KHDRBS2: variants seen among roughly 807,000 people sequenced by gnomAD.
KHDRBS2 encodes KH domain-containing, RNA-binding, signal transduction-associated protein 2.
KHDRBS2 carries 26 observed loss-of-function variants against 44.3 expected under a neutral mutation model. The observed-to-expected ratio is 0.59, with a 90% CI of 0.43 to 0.81. The LOEUF (loss-of-function observed/expected upper bound fraction) is 0.81. KHDRBS2 is among the 40% of genes least tolerant of loss of function. The pLI is 0.00. For missense variants in KHDRBS2, 476 were observed against 433.1 expected (o/e 1.10, Z -0.88); for synonymous variants, 194 against 151.1 (o/e 1.28, Z -2.08).
In KHDRBS2 at chr6:61,855,388, A is replaced by G. The variant is rs1200672980; in HGVS notation, c.810+39247T>C. Among the ~76,000 whole-genome samples, 4 of 151,868 alleles carry G rather than the reference A, an allele frequency of 2.6e-5. No individual in the cohort carries two copies. In the East Asian group the frequency reaches 7.7e-4, roughly 29 times the overall value. On this transcript the variant is annotated intron_variant, in intron 6 of 8. Coordinates refer to ENST00000281156, the MANE Select transcript of KHDRBS2 (RefSeq NM_152688.4). ...CTAGTTGTTTTACTTCTGGTAATTT[A>G]CTTATGTGCCTTAGCTTTTCCATCT...
At chr6:61,599,056 C>T in the KHDRBS2 span, among the ~76,000 whole-genome samples, 1 of 151,958 alleles carries the variant, frequency 6.6e-6, no homozygotes, top group East Asian at 1.9e-4. Context: ...GTCTCAGCCT[C>T]CTGAGTAGCT....
At chr6:62,194,279 G>T (rs1585143282) in intron 1 of KHDRBS2, among the ~76,000 whole-genome samples, 2 of 150,570 alleles carry the variant, frequency 1.3e-5, no homozygotes, top group African/African-American at 4.9e-5. Flanking sequence ...CATTTTTTTT[G>T]CATTTGGATA....
intron 3 of KHDRBS2, among the ~76,000 whole-genome samples, chr6:62,019,802 T>C (rs1341212345): frequency 6.6e-6 from 1 of 152,062 alleles, no homozygotes; most frequent in Non-Finnish European, 1.5e-5. Context: ...TTCTTGATAT[T>C]GAGAATTTAT....
At chr6:62,037,822 C>T (rs747240446) in intron 3 of KHDRBS2, among the ~76,000 whole-genome samples, 4 of 151,922 alleles carry the variant, frequency 2.6e-5, no homozygotes, top group Non-Finnish European at 5.9e-5. Flanking sequence ...TCTCAAAACT[C>T]TGACCTCAAA....
the KHDRBS2 span, among the ~76,000 whole-genome samples, chr6:61,663,526 T>TATATATATATGC: frequency 8.6e-6 from 1 of 116,898 alleles, no homozygotes; most frequent in Non-Finnish European, 1.8e-5. Context: ...TATATATATA[T>TATATATATATGC]GCAGCTGGGA....
chr6:62,026,897 T>C, intron 3 of KHDRBS2, among the ~76,000 whole-genome samples: 1 of 152,156 alleles, frequency 6.6e-6, no homozygotes, highest in East Asian at 1.9e-4. Flanking sequence ...TTAGTGTGTC[T>C]AATACTTTTT....
chr6:61,981,856 G>A (rs1416116138), intron 3 of KHDRBS2, among the ~76,000 whole-genome samples: 1 of 152,104 alleles, frequency 6.6e-6, no homozygotes, highest in African/African-American at 2.4e-5. Context: ...ATTTGTATGG[G>A]TAGATTTTAT....
At chr6:61,832,220 C>G (rs549859014) in intron 6 of KHDRBS2, among the ~76,000 whole-genome samples, 35 of 152,172 alleles carry the variant, frequency 2.3e-4, no homozygotes, top group Admixed American at 2.0e-3. Context: ...GGCAATAGAG[C>G]AAGACACTAC....
intron 6 of KHDRBS2, among the ~76,000 whole-genome samples, chr6:61,870,526 T>G (rs1256553312): frequency 6.6e-6 from 1 of 151,916 alleles, no homozygotes; most frequent in African/African-American, 2.4e-5. Flanking sequence ...CCTCCCAGCA[T>G]AGTGTCAGAC....
At chr6:61,982,870 C>G (rs1343552382) in intron 3 of KHDRBS2, among the ~76,000 whole-genome samples, 4 of 151,982 alleles carry the variant, frequency 2.6e-5, no homozygotes, top group Middle Eastern at 3.2e-3. Context: ...CTTTAATGTC[C>G]TGTTTTCTGA....
intron 2 of KHDRBS2, among the ~76,000 whole-genome samples, chr6:62,167,769 T>C (rs1403326956): frequency 2.0e-5 from 3 of 152,138 alleles, no homozygotes; most frequent in African/African-American, 7.2e-5. Flanking sequence ...CAGAGTGGCT[T>C]CTGAAAAACC....
chr6:61,988,943 A>G (rs1306053845), intron 3 of KHDRBS2, among the ~76,000 whole-genome samples: 2 of 152,220 alleles, frequency 1.3e-5, no homozygotes, highest in Non-Finnish European at 2.9e-5. Flanking sequence ...TGGAAAAAAG[A>G]TGAACGCTTG....
chr6:62,150,520 T>C (rs1814930434), intron 2 of KHDRBS2, among the ~76,000 whole-genome samples: 2 of 152,160 alleles, frequency 1.3e-5, no homozygotes, highest in Admixed American at 1.3e-4. Context: ...AGTTGTACAA[T>C]ATTTGAATTC....
intron 2 of KHDRBS2, among the ~76,000 whole-genome samples, chr6:62,138,140 A>G (rs932250281): frequency 1.4e-4 from 21 of 152,158 alleles, no homozygotes; most frequent in Admixed American, 1.2e-3. Flanking sequence ...AGTTCAAGCA[A>G]TCATATGAAA....
intron 6 of KHDRBS2, among the ~76,000 whole-genome samples, chr6:61,763,971 T>A (rs1420073774): frequency 6.6e-6 from 1 of 152,240 alleles, no homozygotes; most frequent in African/African-American, 2.4e-5. Flanking sequence ...ATCCTGATGC[T>A]TTCCCACCCC....
rs565318661 is a variant in KHDRBS2 at position 62,270,171 on chromosome 6, G to A, written c.91+15687C>T. Reference sequence around the variant, plus strand: ...TGCTGGGAGGTGTTTGGATCCATGGGAGTGGATCCCTCATTAATGGCTTGG... The same window carrying A: ...TGCTGGGAGGTGTTTGGATCCATGGAAGTGGATCCCTCATTAATGGCTTGG... On this transcript the variant is annotated intron_variant, in intron 1 of 8. Coordinates refer to ENST00000281156, the MANE Select transcript of KHDRBS2 (RefSeq NM_152688.4). 9.9e-5 allele frequency among the ~76,000 whole-genome samples: 15 copies of A among 152,120 alleles called. 2 individuals carry two copies. The highest frequency in any genetic ancestry group is 9.8e-4 in the Admixed American group (15 of 15,268).
intron 2 of KHDRBS2, among the ~76,000 whole-genome samples, chr6:62,071,997 T>A (rs1220847132): frequency 6.6e-6 from 1 of 152,206 alleles, no homozygotes. Flanking sequence ...TCCATTTGTT[T>A]GTATACTCTT....
chr6:62,256,797 T>C lies in KHDRBS2; in HGVS notation c.91+29061A>G, dbSNP rs1475848263. On this transcript the variant is annotated intron_variant, in intron 1 of 8. Coordinates refer to ENST00000281156, the MANE Select transcript of KHDRBS2 (RefSeq NM_152688.4). ...TGCAGGTTACACTGAAGAGAAACTA[T>C]ATGGAATATGGGAACAGAAACTCTT... Among the ~76,000 whole-genome samples the C allele has an allele frequency of 5.3e-5, 8 of 152,224 alleles. No individual in the cohort carries two copies. The East Asian group carries it at 1.6e-3, about 30-fold the overall frequency.
chr6:62,256,777 G>T (rs1192073904), intron 1 of KHDRBS2, among the ~76,000 whole-genome samples: 1 of 152,172 alleles, frequency 6.6e-6, no homozygotes, highest in African/African-American at 2.4e-5. Flanking sequence ...GTAAATGCAG[G>T]TTACACTGAA....
Sources: allele counts gnomAD v4.1 joint callset (sites outside exome capture counted in the v4.1 genomes callset), GRCh38; gene constraint gnomAD v4.1.1; transcripts MANE v1.5; gene names NCBI Gene and HGNC (gene_info 2026-07-23, HGNC 2026-07-21).